Variants in PDS5B observed in about 807,000 individuals in gnomAD.
PDS5B encodes sister chromatid cohesion protein PDS5 homolog B.
A neutral mutation model predicts 184.1 loss-of-function variants in PDS5B; 51 were observed. The ratio of observed to expected loss-of-function variants is 0.28; its 90% CI spans 0.22 to 0.35. PDS5B has a LOEUF of 0.35. Among genes scored for constraint, PDS5B ranks in the 10% least tolerant of loss-of-function variants. The pLI is 1.00. For synonymous variants in PDS5B, 566 were observed against 569.2 expected, an observed-to-expected ratio of 0.99 and a Z score of 0.08; for missense variants, 1,180 against 1,723.3, an observed-to-expected ratio of 0.68 and a Z score of 5.58.
intron 1 of PDS5B, among the ~76,000 whole-genome samples, chr13:32,635,926 G>A (rs368037746): frequency 3.3e-5 from 5 of 151,622 alleles, no homozygotes; most frequent in East Asian, 3.9e-4. Flanking sequence ...CCGCCACCAC[G>A]CCTGGCTAAT....
At chr13:32,736,850 C>T (rs770208694) in intron 21 of PDS5B, among the ~76,000 whole-genome samples, 2 of 151,820 alleles carry the variant, frequency 1.3e-5, no homozygotes, top group African/African-American at 2.4e-5. Flanking sequence ...TTTTTCTGAC[C>T]TATCTTTGAG....
intron 1 of PDS5B, among the ~76,000 whole-genome samples, chr13:32,594,052 A>G (rs2057818279): frequency 6.6e-6 from 1 of 152,210 alleles, no homozygotes; most frequent in Admixed American, 6.5e-5. Context: ...CCCCGATTTG[A>G]TCATTACACA....
chr13:32,724,457 G>A (rs1407610436), intron 19 of PDS5B, among the ~76,000 whole-genome samples: 1 of 152,070 alleles, frequency 6.6e-6, no homozygotes, highest in Non-Finnish European at 1.5e-5. Context: ...TTTCTTGTGG[G>A]CTTTCTCTCT....
intron 20 of PDS5B, among the ~76,000 whole-genome samples, chr13:32,734,821 G>A (rs1340463757): frequency 6.6e-6 from 1 of 152,204 alleles, no homozygotes; most frequent in African/African-American, 2.4e-5. Context: ...GGAAATTGAA[G>A]TGGATATTGG....
chr13:32,699,118 A>G (rs1174288475), intron 15 of PDS5B, among the ~76,000 whole-genome samples: 1 of 152,190 alleles, frequency 6.6e-6, no homozygotes, highest in African/African-American at 2.4e-5. Context: ...ACCACAGTCA[A>G]CGTTTTATTA....
intron 33 of PDS5B, 121 bp from the exon 34 acceptor site, chr13:32,773,068 C>A (rs562065373): frequency 1.9e-5 from 14 of 746,262 alleles, no homozygotes; most frequent in African/African-American, 1.8e-4. Context: ...ATGTTCTTGT[C>A]TCATAAAGTA....
chr13:32,586,546 TCCCGGAGAGC>T lies in PDS5B; in HGVS notation c.-59_-50del, dbSNP rs1190688672. 1 of 150,648 alleles carries T rather than the reference TCCCGGAGAGC, an allele frequency of 6.6e-6. No individual in the cohort carries two copies. The highest frequency in any genetic ancestry group is 2.5e-5 in the African/African-American group (1 of 40,478). 9.3% of individuals were successfully genotyped at this position (150,648 alleles called of 1,614,324 possible). A position where few individuals can be genotyped will look rare whatever the true frequency, so the allele number is the denominator to read the frequency against. On this transcript the variant is annotated 5_prime_UTR_variant, in exon 1 of 35. The change creates a premature stop within an existing upstream ORF in the 5' untranslated region. Transcript: ENST00000315596. ...GATTGGATGCGGCGGCGGCGGCGGA[TCCCGGAGAGC>T]CCCGGAGTGAGCGGAGTAGCGAGTC...
rs762936755 is a variant in PDS5B at position 32,773,316 on chromosome 13, A to G, written c.4300A>G (p.Thr1434Ala). 27 of 1,611,408 alleles carry G rather than the reference A, an allele frequency of 1.7e-5. No homozygotes were observed. The highest frequency in any genetic ancestry group is 4.5e-5 in the East Asian group (2 of 44,812). ...AGAAACAGAGGAGGAGGAAGTTTCT[A>G]CAGTAAATGTATGTGTTCAAAGTTT... ...QEETEEEEVS[T>A]VNVRRRSAKR... is the part of the protein sequence containing the mutation. Residue 1434 changes from threonine (T) to alanine (A), a missense_variant, in exon 34 of 35, where the codon ACA (threonine) becomes GCA (alanine). Thr to Ala is a moderately conservative substitution (Grantham distance 58). Coordinates refer to ENST00000315596, the MANE Select transcript of PDS5B (RefSeq NM_015032.4).
intron 21 of PDS5B, among the ~76,000 whole-genome samples, chr13:32,736,764 T>G (rs1953343910): frequency 6.6e-6 from 1 of 152,172 alleles, no homozygotes. Flanking sequence ...GTACATTGTT[T>G]TTTTGCTGTG....
At position 32,764,583 on chromosome 13, in the gene PDS5B, G is replaced by A. The variant is rs1954523908; in HGVS notation, c.3613G>A (p.Asp1205Asn). 2 of 1,570,844 alleles carry A rather than the reference G, an allele frequency of 1.3e-6. No individual in the cohort carries two copies. The highest frequency in any genetic ancestry group is 1.7e-6 in the Non-Finnish European group (2 of 1,146,248). The change falls in exon 31 of 35, where the codon GAT becomes AAT. Residue 1205 changes from aspartate to asparagine, a missense_variant. Asp to Asn is a conservative substitution (Grantham distance 23, BLOSUM62 1). Transcript: ENST00000315596. ...AAAAAGTGACAAGAGAGACGACTCT[G>A]ATCTTGTAAGGGTGAGATATTTGCA... ...GKKSDKRDDS[D>N]LVRSELEKPR...
chr13:32,608,121 G>A (rs1221336036), intron 1 of PDS5B, among the ~76,000 whole-genome samples: 1 of 152,176 alleles, frequency 6.6e-6, no homozygotes, highest in African/African-American at 2.4e-5. Flanking sequence ...CGTGTTCTGC[G>A]TCGCTCATGC....
intron 19 of PDS5B, among the ~76,000 whole-genome samples, chr13:32,730,632 T>C (rs1953078774): frequency 1.3e-5 from 2 of 152,154 alleles, no homozygotes; most frequent in African/African-American, 2.4e-5. Flanking sequence ...TAAGCAGTGG[T>C]TTGTAGTTCT....
chr13:32,730,638 GTTC>G (rs1313612914), intron 19 of PDS5B, among the ~76,000 whole-genome samples: 3 of 152,084 alleles, frequency 2.0e-5, no homozygotes, highest in Non-Finnish European at 2.9e-5. Flanking sequence ...GTGGTTTGTA[GTTC>G]TTCTTGAAGA....
chr13:32,673,451 G>C, intron 8 of PDS5B, 95 bp downstream of exon 8: 1 of 1,007,094 alleles, frequency 9.9e-7, no homozygotes, highest in Non-Finnish European at 1.5e-6. Context: ...TTAACTGAAT[G>C]TAAGAGATGA....
chr13:32,734,013 C>CACACACACACACACAA (rs1430095241), intron 20 of PDS5B, among the ~76,000 whole-genome samples: 2 of 151,224 alleles, frequency 1.3e-5, no homozygotes, highest in African/African-American at 4.9e-5. Context: ...CACACACACA[C>CACACACACACACACAA]AAACATATAT....
intron 19 of PDS5B, among the ~76,000 whole-genome samples, chr13:32,713,194 A>G (rs1477842384): frequency 6.6e-6 from 1 of 152,206 alleles, no homozygotes; most frequent in Non-Finnish European, 1.5e-5. Context: ...CTACTTAGCC[A>G]GGTGATGAAG....
intron 3 of PDS5B, among the ~76,000 whole-genome samples, chr13:32,654,696 C>A (rs1165951814): frequency 6.6e-6 from 1 of 152,090 alleles, no homozygotes; most frequent in Non-Finnish European, 1.5e-5. Flanking sequence ...CACCCTCCAC[C>A]GTCAAGAAGA....
chr13:32,692,822 A>G (rs1951594099), intron 13 of PDS5B, among the ~76,000 whole-genome samples: 2 of 152,082 alleles, frequency 1.3e-5, no homozygotes, highest in South Asian at 4.1e-4. Flanking sequence ...GCTGGTTAAT[A>G]CAATTTTATT....
In PDS5B at chr13:32,657,006, C is replaced by T. The variant is rs187890739; in HGVS notation, c.313-1233C>T. 1.1e-4 allele frequency among the ~76,000 whole-genome samples: 16 copies of T among 152,268 alleles called. No homozygotes were observed. In the East Asian group the frequency reaches 2.7e-3, roughly 26 times the overall value. On this transcript the variant is annotated intron_variant, in intron 3 of 34. Transcript: ENST00000315596. ...ATTGTTTTATGGCTTATTATGTGGT[C>T]AGTTTTAGAGTATGTGCCATGTGCA...
Sources: allele counts gnomAD v4.1 joint callset (sites outside exome capture counted in the v4.1 genomes callset), GRCh38; gene constraint gnomAD v4.1.1; transcripts MANE v1.5; gene names NCBI Gene and HGNC (gene_info 2026-07-23, HGNC 2026-07-21).